The following SEPTIN5 variants were observed in gnomAD, a reference collection of about 807,000 sequenced individuals.
SEPTIN5 encodes the protein septin-5.
SEPTIN5 carries 16 observed loss-of-function variants against 51.2 expected under a neutral mutation model. The observed-to-expected ratio is 0.31, with a 90% CI of 0.21 to 0.47. The LOEUF (loss-of-function observed/expected upper bound fraction) is 0.47, where lower values mean the gene tolerates loss of function less well. Ranked by LOEUF, SEPTIN5 falls within the 20% of genes least tolerant of loss-of-function variation. The pLI is 0.99. For synonymous variants in SEPTIN5, 208 were observed against 191.2 expected, an observed-to-expected ratio of 1.09 and a Z score of -0.72; for missense variants, 376 against 500.3, an observed-to-expected ratio of 0.75 and a Z score of 2.37.
chr22:19,717,906 A>ACGCGCACACACAAACG (rs1025991945), intron 2 of SEPTIN5: 39 of 158,838 alleles, frequency 2.5e-4, no homozygotes, highest in East Asian at 1.9e-4. Context: ...ACCCGCACGG[A>ACGCGCACACACAAACG]CGCGCACACA....
intron 10 of SEPTIN5, 91 bp from the exon 11 acceptor site, chr22:19,722,146 C>T: frequency 9.8e-6 from 12 of 1,225,628 alleles, no homozygotes; most frequent in Non-Finnish European, 1.2e-5. Flanking sequence ...GGCAGGGCCT[C>T]AGCAGTGGCG....
chr22:19,721,158 C>A (rs1383704934), intron 8 of SEPTIN5, among the ~76,000 whole-genome samples: 1 of 152,198 alleles, frequency 6.6e-6, no homozygotes, highest in Non-Finnish European at 1.5e-5. Context: ...GGCCAGGCCC[C>A]CAACCCCAAC....
chr22:19,722,737 G>T lies in SEPTIN5; in HGVS notation c.*253G>T. The T allele has an allele frequency of 1.8e-6, 1 of 557,858 alleles. No individual in the cohort carries two copies. The allele number at this position is 557,858 out of a possible 1,614,324, so 34.6% of individuals were successfully genotyped here. ...GGGACTTCAGAGATCCGCCTCCCTT[G>T]CCCTTCCCCCGCCCCCGGACGGTCA... On this transcript the variant is annotated 3_prime_UTR_variant, in exon 12 of 12. Transcript: ENST00000455784.
At chr22:19,721,356 G>A (rs1936028198) in intron 8 of SEPTIN5, among the ~76,000 whole-genome samples, 1 of 152,166 alleles carries the variant, frequency 6.6e-6, no homozygotes, top group Admixed American at 6.5e-5. Flanking sequence ...CAGCCCTGGG[G>A]AGGGAAGGGG....
chr22:19,719,020 C>A (rs1935966747), intron 2 of SEPTIN5: 2 of 506,434 alleles, frequency 3.9e-6, no homozygotes, highest in Non-Finnish European at 6.1e-6. Flanking sequence ...CAAAACGCGG[C>A]GGAGAATGCG....
chr22:19,720,718 C>A, intron 7 of SEPTIN5, 50 bp from the exon 8 acceptor site: 1 of 1,611,330 alleles, frequency 6.2e-7, no homozygotes, highest in Non-Finnish European at 8.5e-7. Context: ...GCTGAGAGTA[C>A]CAGGGGGACT....
Position 19,714,681 on chromosome 22 carries a change from C to T in SEPTIN5, c.43+50C>T. Reference sequence around the variant, plus strand: ...CCCGCGCGCGCCTTTGTCCCCGCCGCCCGCGCGCCTCTCACCGTGTCTCTC... The same window carrying T: ...CCCGCGCGCGCCTTTGTCCCCGCCGTCCGCGCGCCTCTCACCGTGTCTCTC... On this transcript the variant is annotated intron_variant, in intron 1 of 11. Transcript: ENST00000455784. The surrounding 1 kb of genome is among the most constrained non-coding windows in gnomAD (Gnocchi z 5.2). 1 of 1,520,886 alleles carries T rather than the reference C, an allele frequency of 6.6e-7. No homozygotes were observed. The highest frequency in any genetic ancestry group is 8.8e-7 in the Non-Finnish European group (1 of 1,139,188). 94.2% of individuals were successfully genotyped at this position (1,520,886 alleles called of 1,614,324 possible).
At chr22:19,720,699 G>C (rs774055747) in intron 7 of SEPTIN5, 33 bp downstream of exon 7, 1 of 1,612,234 alleles carries the variant, frequency 6.2e-7, no homozygotes, top group Non-Finnish European at 8.5e-7. Context: ...GCCTGGCCAG[G>C]GCCCTGGGGC....
intron 2 of SEPTIN5, chr22:19,718,772 T>C: frequency 1.6e-6 from 2 of 1,236,726 alleles, no homozygotes; most frequent in Non-Finnish European, 2.0e-6. Context: ...GACCGCCTGG[T>C]GGAGCAGCTG....
At chr22:19,720,067 G>A (rs1935994864) in intron 4 of SEPTIN5, 48 bp from the exon 5 acceptor site, 1 of 1,611,496 alleles carries the variant, frequency 6.2e-7, no homozygotes, top group Admixed American at 1.7e-5. Flanking sequence ...TGCCAAGGGT[G>A]AGGGGCTGAG....
Position 19,722,494 on chromosome 22 carries a change from C to T in SEPTIN5, c.*10C>T. 6.3e-7 allele frequency: 1 copy of T among 1,587,500 alleles called. No homozygotes were observed. The highest frequency in any genetic ancestry group is 1.1e-5 in the South Asian group (1 of 87,864). ...GATGCAGGACCAGTGACGCTCGCCG[C>T]GGACACACCGTCCGTCTCCGGGACG... On this transcript the variant is annotated 3_prime_UTR_variant, in exon 12 of 12. Transcript: ENST00000455784.
intron 10 of SEPTIN5, 27 bp from the exon 11 acceptor site, chr22:19,722,209 CG>C: frequency 1.1e-5 from 16 of 1,433,146 alleles, no homozygotes; most frequent in Admixed American, 2.1e-5. Flanking sequence ...GGCGCCGCCC[CG>C]CCCATCCTCC....
chr22:19,722,741 T>G lies in SEPTIN5; in HGVS notation c.*257T>G. 20 of 528,774 alleles carry G rather than the reference T, an allele frequency of 3.8e-5. No homozygotes were observed. The highest frequency in any genetic ancestry group is 1.3e-4 in the East Asian group (4 of 30,998). The allele number at this position is 528,774 out of a possible 1,614,324, so 32.8% of individuals were successfully genotyped here. ...CTTCAGAGATCCGCCTCCCTTGCCC[T>G]TCCCCCGCCCCCGGACGGTCACAGC... On this transcript the variant is annotated 3_prime_UTR_variant, in exon 12 of 12. Coordinates refer to ENST00000455784, the MANE Select transcript of SEPTIN5 (RefSeq NM_002688.6).
In SEPTIN5 at chr22:19,714,795, C is replaced by G. The variant is rs1323971340; in HGVS notation, c.54+4C>G. The G allele has an allele frequency of 1.3e-6, 2 of 1,591,682 alleles. No homozygotes were observed. The highest frequency in any genetic ancestry group is 1.7e-6 in the Non-Finnish European group (2 of 1,175,040). ...CGACCCCGCAGAGGACAAGCAGGTA[C>G]GTGCGCAGCGCCGCTCCCCCGCCGG... On this transcript the variant is annotated splice_donor_region_variant and intron_variant, in intron 2 of 11. Transcript: ENST00000455784. The surrounding 1 kb of genome is among the most constrained non-coding windows in gnomAD (Gnocchi z 5.2).
In SEPTIN5 at chr22:19,714,866, G is replaced by T; in HGVS notation, c.54+75G>T. On this transcript the variant is annotated intron_variant, in intron 2 of 11. Coordinates refer to ENST00000455784, the MANE Select transcript of SEPTIN5 (RefSeq NM_002688.6). This position sits in a 1 kb window ranked among gnomAD's most constrained non-coding sequence, Gnocchi z 5.2. ...CCATTGTGACACTAGCGCCTTGGGC[G>T]CCCAGGCGCGACCCCGCCCCCGCCG... 1 of 1,520,032 alleles carries T rather than the reference G, an allele frequency of 6.6e-7. No individual in the cohort carries two copies. The highest frequency in any genetic ancestry group is 8.8e-7 in the Non-Finnish European group (1 of 1,130,900). 94.2% of individuals were successfully genotyped at this position (1,520,032 alleles called of 1,614,324 possible).
At chr22:19,718,463 C>T in intron 2 of SEPTIN5, 2 of 1,136,708 alleles carry the variant, frequency 1.8e-6, no homozygotes, top group Non-Finnish European at 2.2e-6. Context: ...GCCTCTGGCT[C>T]GGGTGCGGGA....
chr22:19,722,358 G>T lies in SEPTIN5; in HGVS notation c.1053+19G>T, dbSNP rs750524844. 2 of 1,599,428 alleles carry T rather than the reference G, an allele frequency of 1.3e-6. No individual in the cohort carries two copies. Among genetic ancestry groups the T allele is most frequent in the South Asian group, 2.2e-5 (2 of 89,656 alleles). On this transcript the variant is annotated intron_variant, in intron 11 of 11. Transcript: ENST00000455784. ...TGAGGAAGTATGTGGGGCGGCGGGG[G>T]CGGCGGAGGCGGGCGTCAGGGATGC...
chr22:19,722,659 C>T lies in SEPTIN5; in HGVS notation c.*175C>T, dbSNP rs1440719875. On this transcript the variant is annotated 3_prime_UTR_variant, in exon 12 of 12. Coordinates refer to ENST00000455784, the MANE Select transcript of SEPTIN5 (RefSeq NM_002688.6). ...TGTTTCCGAGGGGCCTGGACCGTAGCCCCCGCCCAGCTGGCCCTCTCTGAC... is the reference window on the plus strand; with the variant it reads ...TGTTTCCGAGGGGCCTGGACCGTAGTCCCCGCCCAGCTGGCCCTCTCTGAC... The T allele has an allele frequency of 7.0e-6, 5 of 711,550 alleles. No individual in the cohort carries two copies. In the East Asian group the frequency reaches 1.1e-4, roughly 16 times the overall value. The allele number at this position is 711,550 out of a possible 1,614,324, so 44.1% of individuals were successfully genotyped here.
Position 19,722,563 on chromosome 22 carries a change from A to C in SEPTIN5, c.*79A>C. On this transcript the variant is annotated 3_prime_UTR_variant, in exon 12 of 12. Coordinates refer to ENST00000455784, the MANE Select transcript of SEPTIN5 (RefSeq NM_002688.6). ...CCAGACCGGACTGTTCCCGACCCGG[A>C]GACGCGGGGCCACAGCCCCCAGCTG... The C allele has an allele frequency of 1.4e-6, 2 of 1,447,026 alleles. No homozygotes were observed. The highest frequency in any genetic ancestry group is 1.9e-6 in the Non-Finnish European group (2 of 1,057,142). 89.6% of individuals were successfully genotyped at this position (1,447,026 alleles called of 1,614,324 possible).
Sources: gnomAD v4.1 joint callset for allele counts (sites outside exome capture counted in the v4.1 genomes callset) on GRCh38, gnomAD v4.1.1 for gene constraint, Gnocchi (gnomAD v3.1) non-coding constraint, MANE v1.5 for transcripts, NCBI Gene and HGNC (gene_info 2026-07-23, HGNC 2026-07-21) for gene names.